Variants in SLC9A8 observed in about 807,000 individuals in gnomAD.
The protein encoded by SLC9A8 is sodium/hydrogen exchanger 8.
A neutral mutation model predicts 66.6 loss-of-function variants in SLC9A8; 48 were observed. The ratio of observed to expected loss-of-function variants is 0.72; its 90% CI spans 0.57 to 0.92. The LOEUF is 0.92. Ranked by LOEUF, SLC9A8 falls within the 40% of genes least tolerant of loss-of-function variation. The pLI is 0.00. For missense variants in SLC9A8, 599 were observed against 747.3 expected (o/e 0.80, Z 2.31); for synonymous variants, 274 against 282.6 (o/e 0.97, Z 0.31).
At chr20:49,843,622 C>T (rs1703368696) in intron 4 of SLC9A8, among the ~76,000 whole-genome samples, 1 of 152,116 alleles carries the variant, frequency 6.6e-6, no homozygotes, top group Admixed American at 6.6e-5. Context: ...ATATATATTT[C>T]CCCAAAATTC....
intron 3 of SLC9A8, among the ~76,000 whole-genome samples, chr20:49,833,129 C>T (rs1199019810): frequency 1.3e-5 from 2 of 152,284 alleles, no homozygotes; most frequent in East Asian, 3.9e-4. Context: ...TGGTCTCGAA[C>T]TCCTGACCTC....
chr20:49,863,992 G>C (rs1048456067), intron 9 of SLC9A8: 2 of 151,996 alleles, frequency 1.3e-5, no homozygotes, highest in Admixed American at 6.5e-5. Flanking sequence ...TTGGCTGACA[G>C]CTTCTCATAT....
At chr20:49,813,385 C>T (rs75634706) in intron 1 of SLC9A8, among the ~76,000 whole-genome samples, 13,961 of 152,228 alleles carry the variant, frequency 0.092, 721 homozygotes, top group Middle Eastern at 0.13. Context: ...TAGTCATTAA[C>T]TGTTAGCCAT....
chr20:49,813,584 A>T (rs935318338), intron 1 of SLC9A8, among the ~76,000 whole-genome samples: 2 of 152,196 alleles, frequency 1.3e-5, no homozygotes, highest in Admixed American at 1.3e-4. Context: ...AGTTATTTAT[A>T]TCCTACTGCT....
In SLC9A8 at chr20:49,886,657, G is replaced by A; in HGVS notation, c.1492-95G>A. On this transcript the variant is annotated intron_variant, in intron 14 of 15. Transcript: ENST00000361573. The surrounding 1 kb of genome is among the most constrained non-coding windows in gnomAD (Gnocchi z 4.8). ...GATGGTCAAGTGGAGTTAGGGTTGG[G>A]GACACTGGCGGCCTGGGTGGTGTGG... The A allele has an allele frequency of 1.4e-6, 2 of 1,443,788 alleles. No individual in the cohort carries two copies. Among genetic ancestry groups the A allele is most frequent in the Admixed American group, 3.9e-5 (2 of 50,640 alleles). The allele number at this position is 1,443,788 out of a possible 1,614,324, so 89.4% of individuals were successfully genotyped here. A position where few individuals can be genotyped will look rare whatever the true frequency, so the allele number is the denominator to read the frequency against.
chr20:49,863,791 G>T (rs1287382857), intron 9 of SLC9A8: 1 of 152,194 alleles, frequency 6.6e-6, no homozygotes, highest in Non-Finnish European at 1.5e-5. Context: ...ATAGTAACAG[G>T]CAGTAGACCA....
At chr20:49,830,384 CCT>C in intron 3 of SLC9A8, 2 of 841,526 alleles carry the variant, frequency 2.4e-6, no homozygotes, top group South Asian at 1.3e-5. Flanking sequence ...CTGCTGAAGT[CCT>C]CTCAACCTGT....
At chr20:49,862,443 G>A (rs2088781856) in intron 8 of SLC9A8, among the ~76,000 whole-genome samples, 1 of 151,994 alleles carries the variant, frequency 6.6e-6, no homozygotes, top group African/African-American at 2.4e-5. Context: ...CGTATTTTTA[G>A]TAGAGACGGG....
intron 14 of SLC9A8, among the ~76,000 whole-genome samples, chr20:49,884,930 T>C (rs1240914281): frequency 6.6e-6 from 1 of 152,228 alleles, no homozygotes; most frequent in East Asian, 1.9e-4. Context: ...TTTCTGGACA[T>C]GCATCTCTTT....
At chr20:49,843,464 A>G (rs757583622) in intron 4 of SLC9A8, among the ~76,000 whole-genome samples, 2 of 152,182 alleles carry the variant, frequency 1.3e-5, no homozygotes, top group East Asian at 3.8e-4. Context: ...GTAAGAATAC[A>G]TTTAGGCATT....
At chr20:49,884,198 C>T (rs750934346) in intron 14 of SLC9A8, 132 bp downstream of exon 14, 54 of 492,722 alleles carry the variant, frequency 1.1e-4, no homozygotes, top group African/African-American at 8.8e-4. Context: ...TCCACACACA[C>T]GACACACACA....
intron 8 of SLC9A8, among the ~76,000 whole-genome samples, chr20:49,860,138 A>G (rs1163829304): frequency 2.0e-5 from 3 of 152,136 alleles, no homozygotes; most frequent in African/African-American, 7.2e-5. Flanking sequence ...TTTGGGAACT[A>G]TGGGTGATCA....
At chr20:49,841,675 C>G (rs1054179895) in intron 4 of SLC9A8, among the ~76,000 whole-genome samples, 3 of 152,204 alleles carry the variant, frequency 2.0e-5, no homozygotes, top group Non-Finnish European at 2.9e-5. Flanking sequence ...ACTGCAACCT[C>G]TGCCTCCCGG....
chr20:49,836,952 C>T (rs1273812769), intron 3 of SLC9A8, among the ~76,000 whole-genome samples: 1 of 152,112 alleles, frequency 6.6e-6, no homozygotes, highest in Non-Finnish European at 1.5e-5. Flanking sequence ...ACAAACCTGC[C>T]TCCCATTCTA....
chr20:49,850,763 GT>G lies in SLC9A8; in HGVS notation c.535-37del, dbSNP rs564652819. 9.7e-4 allele frequency: 1,317 copies of G among 1,355,972 alleles called. 1 individual carries two copies. The highest frequency in any genetic ancestry group is 3.7e-3 in the Admixed American group (179 of 48,506). 84.0% of individuals were successfully genotyped at this position (1,355,972 alleles called of 1,614,324 possible). On this transcript the variant is annotated intron_variant, in intron 6 of 15. Coordinates refer to ENST00000361573, the MANE Select transcript of SLC9A8 (RefSeq NM_015266.3). ...ATTTAAATCTTGGCTGTTCTCCAGG[GT>G]TTTTTTTTTGTGTGTGTCTGTGTGT...
At chr20:49,884,259 G>GACACACACGACAC (rs2089771938) in intron 14 of SLC9A8, 193 bp downstream of exon 14, 2 of 129,178 alleles carry the variant, frequency 1.5e-5, no homozygotes, top group Non-Finnish European at 1.5e-5. Flanking sequence ...ACACACACAC[G>GACACACACGACAC]ACACACACAC....
intron 14 of SLC9A8, chr20:49,884,270 ACACG>A: frequency 3.5e-6 from 1 of 285,090 alleles, no homozygotes; most frequent in East Asian, 7.0e-5. Flanking sequence ...ACACACACAC[ACACG>A]ACACACACAC....
chr20:49,885,999 C>T (rs2089876833), intron 14 of SLC9A8, among the ~76,000 whole-genome samples: 1 of 152,190 alleles, frequency 6.6e-6, no homozygotes, highest in African/African-American at 2.4e-5. Context: ...TTTCACAGGC[C>T]CCCCAGGTAG....
At chr20:49,832,803 G>C (rs2087263338) in intron 3 of SLC9A8, among the ~76,000 whole-genome samples, 1 of 152,126 alleles carries the variant, frequency 6.6e-6, no homozygotes, top group African/African-American at 2.4e-5. Context: ...GGAAGATGTG[G>C]TAATGTAACC....
Sources: gnomAD v4.1 joint callset for allele counts (sites outside exome capture counted in the v4.1 genomes callset) on GRCh38, gnomAD v4.1.1 for gene constraint, Gnocchi (gnomAD v3.1) non-coding constraint, MANE v1.5 for transcripts, NCBI Gene and HGNC (gene_info 2026-07-23, HGNC 2026-07-21) for gene names.